The following ADGRL3 variants were observed in gnomAD, a reference collection of about 807,000 sequenced individuals.
ADGRL3 encodes adhesion G protein-coupled receptor L3.
ADGRL3 carries 62 observed loss-of-function variants against 153.5 expected under a neutral mutation model. The observed-to-expected ratio is 0.40, with a 90% CI of 0.33 to 0.50. The LOEUF is 0.50. Among genes scored for constraint, ADGRL3 ranks in the 20% least tolerant of loss-of-function variants. ADGRL3 has a pLI of 0.47. For synonymous variants in ADGRL3, 710 were observed against 672.5 expected, an observed-to-expected ratio of 1.06 and a Z score of -0.86; for missense variants, 1,641 against 1,859.4, an observed-to-expected ratio of 0.88 and a Z score of 2.16.
chr4:61,822,022 A>T (rs1196260815), intron 9 of ADGRL3, among the ~76,000 whole-genome samples: 1 of 152,226 alleles, frequency 6.6e-6, no homozygotes, highest in Non-Finnish European at 1.5e-5. Context: ...CTCCTTGAAG[A>T]GTCTGCAGGC....
chr4:62,027,508 T>C (rs1719418051), intron 21 of ADGRL3, among the ~76,000 whole-genome samples: 1 of 152,018 alleles, frequency 6.6e-6, no homozygotes. Context: ...GATCACCCCA[T>C]TGGACGTACA....
intron 9 of ADGRL3, among the ~76,000 whole-genome samples, chr4:61,863,289 G>C (rs1051223462): frequency 1.5e-5 from 2 of 134,428 alleles, no homozygotes; most frequent in African/African-American, 5.7e-5. Context: ...CCAGGCTGGA[G>C]TGCAGTGGCG....
chr4:61,597,589 A>G (rs757786161), intron 5 of ADGRL3, among the ~76,000 whole-genome samples: 24 of 151,774 alleles, frequency 1.6e-4, no homozygotes, highest in Non-Finnish European at 3.1e-4. Flanking sequence ...TTAAAATATC[A>G]TATTATAATA....
At chr4:61,843,620 G>A (rs931040781) in intron 9 of ADGRL3, among the ~76,000 whole-genome samples, 2 of 152,006 alleles carry the variant, frequency 1.3e-5, no homozygotes, top group African/African-American at 4.8e-5. Context: ...TTCCTCGAAA[G>A]AGAAAAAAAA....
At chr4:61,895,941 G>C in intron 11 of ADGRL3, 107 bp downstream of exon 11, 1 of 572,614 alleles carries the variant, frequency 1.7e-6, no homozygotes, top group Non-Finnish European at 2.9e-6. Context: ...AATCAATGTA[G>C]AAAATTTCAC....
chr4:61,207,189 T>A (rs1737686631), intron 1 of ADGRL3, among the ~76,000 whole-genome samples: 1 of 152,014 alleles, frequency 6.6e-6, no homozygotes, highest in Non-Finnish European at 1.5e-5. Flanking sequence ...CCTAATGCTA[T>A]CCCTCCCCTA....
At chr4:61,382,964 T>G (rs1456293597) in intron 1 of ADGRL3, among the ~76,000 whole-genome samples, 160 bp from the exon 2 acceptor site, 3 of 151,888 alleles carry the variant, frequency 2.0e-5, no homozygotes, top group African/African-American at 7.2e-5. Context: ...CTAAATTTCC[T>G]CTACATACCA....
chr4:61,569,852 C>T (rs2098831302), intron 4 of ADGRL3, among the ~76,000 whole-genome samples: 2 of 152,070 alleles, frequency 1.3e-5, no homozygotes, highest in Non-Finnish European at 2.9e-5. Flanking sequence ...TGGCACTTAG[C>T]ACTTCACTAT....
At position 61,497,276 on chromosome 4, in the gene ADGRL3, A is replaced by G. The variant is rs576609204; in HGVS notation, c.-18A>G. The G allele has an allele frequency of 2.1e-5, 33 of 1,550,406 alleles. No homozygotes were observed. The South Asian group carries it at 2.3e-4, about 11-fold the overall frequency. On this transcript the variant is annotated 5_prime_UTR_variant, in exon 3 of 27. Transcript: ENST00000683033. The stretch of plus-strand genomic sequence containing the variant: ...AACAGTCATTCTTGAGGAATACTCC[A>G]TACCTGAGTAGACAGCCATGTGGCC...
chr4:61,903,765 A>T (rs974376749), intron 11 of ADGRL3, among the ~76,000 whole-genome samples: 1 of 150,666 alleles, frequency 6.6e-6, no homozygotes, highest in Admixed American at 6.6e-5. Context: ...TACTATAAAC[A>T]TATTTATTTA....
Position 61,200,890 on chromosome 4 carries a change from G to A in ADGRL3, c.-1115G>A, listed in dbSNP as rs1043164022. ...AGCTAATCATCCACCCCACGGGCTC[G>A]GGGTTCGCCGGCCCCCGGGACGCAG... On this transcript the variant is annotated 5_prime_UTR_variant, in exon 1 of 27. Transcript: ENST00000683033. Among the ~76,000 whole-genome samples, 3 of 151,764 alleles carry A rather than the reference G, an allele frequency of 2.0e-5. No homozygotes were observed. The highest frequency in any genetic ancestry group is 4.4e-5 in the Non-Finnish European group (3 of 67,918).
rs577649576 is a variant in ADGRL3, at chr4:61,881,888, G to T, written c.1481-10768G>T. ...CTCGAGAAATAAAATACAATATTGA[G>T]GCTAGCCCTAAGAAAAGAGTCTAAA... On this transcript the variant is annotated intron_variant, in intron 9 of 26. Transcript: ENST00000683033. Among the ~76,000 whole-genome samples the T allele has an allele frequency of 2.0e-5, 3 of 152,244 alleles. No individual in the cohort carries two copies. The East Asian group carries it at 5.8e-4, about 29-fold the overall frequency.
chr4:61,897,742 T>C (rs541073528), intron 11 of ADGRL3, among the ~76,000 whole-genome samples: 143 of 152,296 alleles, frequency 9.4e-4, no homozygotes, highest in Non-Finnish European at 1.4e-3. Context: ...CTGTCTTTCA[T>C]AGAATTCATC....
intron 11 of ADGRL3, among the ~76,000 whole-genome samples, chr4:61,897,708 A>G (rs1289105411): frequency 6.6e-6 from 1 of 152,126 alleles, no homozygotes; most frequent in African/African-American, 2.4e-5. Context: ...TTGTTTGTCT[A>G]TATTTTATCC....
rs552407853 is a variant in ADGRL3, at chr4:61,460,627, A to C, written c.-173-36494A>C. ...AAAGACATACCCGAGACTGGGTAAT[A>C]TATAAAGAAAAAGGGGTTTAGTATA... On this transcript the variant is annotated intron_variant, in intron 2 of 26. Transcript: ENST00000683033. 9.9e-4 allele frequency among the ~76,000 whole-genome samples: 150 copies of C among 152,242 alleles called. 1 individual carries two copies. The highest frequency in any genetic ancestry group is 3.4e-3 in the African/African-American group (143 of 41,544).
chr4:61,818,027 A>G (rs894218912), intron 9 of ADGRL3, among the ~76,000 whole-genome samples: 2 of 152,072 alleles, frequency 1.3e-5, no homozygotes, highest in Non-Finnish European at 2.9e-5. Flanking sequence ...TTCAAAACCA[A>G]TCATGCCTTT....
intron 8 of ADGRL3, among the ~76,000 whole-genome samples, chr4:61,788,100 G>C (rs1020737510): frequency 6.6e-6 from 1 of 152,092 alleles, no homozygotes. Flanking sequence ...ATAACCATTA[G>C]AGCAACTCAT....
intron 15 of ADGRL3, among the ~76,000 whole-genome samples, chr4:61,937,274 A>C (rs2098843290): frequency 6.6e-6 from 1 of 152,058 alleles, no homozygotes; most frequent in African/African-American, 2.4e-5. Flanking sequence ...TACCTGGTCC[A>C]CTTCCTTCCT....
rs147026385 is a variant in ADGRL3 at position 61,272,763 on chromosome 4, C to T, written c.-240+70998C>T. Among the ~76,000 whole-genome samples the T allele has an allele frequency of 2.0e-3, 308 of 152,236 alleles. 1 individual carries two copies. Among genetic ancestry groups the T allele is most frequent in the African/African-American group, 6.8e-3 (281 of 41,550 alleles). On this transcript the variant is annotated intron_variant, in intron 1 of 26. Transcript: ENST00000683033. Reference sequence around the variant, plus strand: ...ATTTTGATATTTCTGAGGAAATGATCTTCATTTAAAGTAAAACTTACTGAG... The same window carrying T: ...ATTTTGATATTTCTGAGGAAATGATTTTCATTTAAAGTAAAACTTACTGAG...
Sources: gnomAD v4.1 joint callset for allele counts (sites outside exome capture counted in the v4.1 genomes callset) on GRCh38, gnomAD v4.1.1 for gene constraint, MANE v1.5 for transcripts, NCBI Gene and HGNC (gene_info 2026-07-23, HGNC 2026-07-21) for gene names.